The following TGS1 variants were observed in gnomAD, a reference collection of about 807,000 sequenced individuals.
TGS1 encodes trimethylguanosine synthase.
TGS1 carries 69 observed loss-of-function variants against 92.2 expected under a neutral mutation model. The observed-to-expected ratio is 0.75, with a 90% CI of 0.62 to 0.91. The LOEUF (loss-of-function observed/expected upper bound fraction) is 0.91. TGS1 is among the 40% of genes least tolerant of loss of function. The pLI is 0.00. For missense variants in TGS1, 1,062 were observed against 1,001.2 expected, an observed-to-expected ratio of 1.06 and a Z score of -0.82; for synonymous variants, 345 against 338.1, an observed-to-expected ratio of 1.02 and a Z score of -0.22.
At chr8:55,803,500 G>A (rs1044949270) in intron 9 of TGS1, among the ~76,000 whole-genome samples, 1 of 152,026 alleles carries the variant, frequency 6.6e-6, no homozygotes, top group African/African-American at 2.4e-5. Context: ...CTGTGTATTG[G>A]AAAAAGTACG....
chr8:55,805,750 G>A (rs1206911927), intron 10 of TGS1, among the ~76,000 whole-genome samples: 4 of 151,974 alleles, frequency 2.6e-5, no homozygotes, highest in South Asian at 2.1e-4. Context: ...TGGGCATGGT[G>A]GCATGCATCT....
intron 12 of TGS1, among the ~76,000 whole-genome samples, chr8:55,814,103 A>G (rs1445855311): frequency 6.6e-6 from 1 of 152,118 alleles, no homozygotes; most frequent in African/African-American, 2.4e-5. Context: ...ACACAGCACC[A>G]TGCCCAGCTA....
At chr8:55,796,754 G>T (rs1812065451) in intron 7 of TGS1, among the ~76,000 whole-genome samples, 2 of 152,174 alleles carry the variant, frequency 1.3e-5, no homozygotes, top group African/African-American at 4.8e-5. Flanking sequence ...ACTTAGGGAG[G>T]CTGAGGCGGA....
At chr8:55,781,784 A>G (rs1266493230) in intron 1 of TGS1, among the ~76,000 whole-genome samples, 2 of 152,260 alleles carry the variant, frequency 1.3e-5, no homozygotes, top group African/African-American at 2.4e-5. Context: ...TTATTTAGTT[A>G]AATTTATTGT....
Position 55,785,070 on chromosome 8 carries a change from TTG to T in TGS1, c.167-647_167-646del, listed in dbSNP as rs1491061170. 4.2e-4 allele frequency among the ~76,000 whole-genome samples: 64 copies of T among 151,002 alleles called. 2 individuals carry two copies. The highest frequency in any genetic ancestry group is 1.5e-3 in the African/African-American group (62 of 40,672). On this transcript the variant is annotated intron_variant, in intron 2 of 12. Transcript: ENST00000260129. The stretch of plus-strand genomic sequence containing the variant: ...ATTGGTGTTTTTTGTTTTTTGTTTT[TTG>T]TTTTTTTTTTGAGACAGAGTCTCGC...
intron 12 of TGS1, among the ~76,000 whole-genome samples, chr8:55,814,736 G>A (rs541332720): frequency 5.4e-5 from 8 of 148,006 alleles, no homozygotes; most frequent in Non-Finnish European, 8.9e-5. Flanking sequence ...GGGCATGGTG[G>A]CGGCGTGCCT....
intron 1 of TGS1, among the ~76,000 whole-genome samples, chr8:55,778,077 G>T (rs1811450752): frequency 6.6e-6 from 1 of 152,012 alleles, no homozygotes; most frequent in Admixed American, 6.6e-5. Flanking sequence ...TTCAAGACCA[G>T]TCTGGGCAAC....
chr8:55,821,861 C>T (rs529231889), intron 12 of TGS1, among the ~76,000 whole-genome samples: 2 of 151,334 alleles, frequency 1.3e-5, no homozygotes, highest in East Asian at 1.9e-4. Flanking sequence ...GGCAGCAGAG[C>T]GAGACTCCAT....
At chr8:55,782,631 A>G in intron 1 of TGS1, 117 bp from the exon 2 acceptor site, 3 of 702,760 alleles carry the variant, frequency 4.3e-6, no homozygotes, top group East Asian at 5.5e-5. Context: ...GTATTAGCAG[A>G]TTGCTTTTCT....
rs371581459 is a variant in TGS1 at position 55,786,868 on chromosome 8, A to G, written c.970A>G (p.Ile324Val). The change falls in exon 4 of 13, where the codon ATA becomes GTA. Residue 324 changes from isoleucine (I) to valine (V), a missense_variant. Transcript: ENST00000260129. Reference protein sequence around the residue: ...HSEILDGISNIKLNSEEVTQS... With the variant: ...HSEILDGISNVKLNSEEVTQS... Reference sequence around the variant, plus strand: ...TGAAATACTTGATGGAATTAGTAACATAAAACTGAATTCAGAGGAAGTAAC... The same window carrying G: ...TGAAATACTTGATGGAATTAGTAACGTAAAACTGAATTCAGAGGAAGTAAC... 6 of 1,614,072 alleles carry G rather than the reference A, an allele frequency of 3.7e-6. No homozygotes were observed. The highest frequency in any genetic ancestry group is 1.3e-5 in the African/African-American group (1 of 74,936).
At chr8:55,793,718 C>T (rs1037014375) in intron 6 of TGS1, among the ~76,000 whole-genome samples, 8 of 151,732 alleles carry the variant, frequency 5.3e-5, no homozygotes, top group East Asian at 1.9e-4. Flanking sequence ...CAGGCATGCA[C>T]CACCATGCCC....
chr8:55,773,871 A>G (rs781205030), intron 1 of TGS1, 152 bp downstream of exon 1: 3 of 613,918 alleles, frequency 4.9e-6, no homozygotes, highest in Non-Finnish European at 8.5e-6. Flanking sequence ...ACCCTCAGAC[A>G]TGACGGAGTG....
chr8:55,801,221 C>T (rs1585776634), intron 8 of TGS1, among the ~76,000 whole-genome samples: 1 of 152,182 alleles, frequency 6.6e-6, no homozygotes, highest in Admixed American at 6.5e-5. Context: ...CTACATATGT[C>T]CTGTCACTGC....
chr8:55,785,578 C>G lies in TGS1; in HGVS notation c.167-141C>G, dbSNP rs1268877131. On this transcript the variant is annotated intron_variant, in intron 2 of 12. Coordinates refer to ENST00000260129, the MANE Select transcript of TGS1 (RefSeq NM_024831.8). ...GGGCAGTGTTGTGAGACCCCCATCT[C>G]TAAAAAATAAAAAAAATTGTAACAT... The G allele has an allele frequency of 1.2e-5, 7 of 587,416 alleles. No homozygotes were observed. In the East Asian group the frequency reaches 2.1e-4, roughly 18 times the overall value. 36.4% of individuals were successfully genotyped at this position (587,416 alleles called of 1,614,324 possible).
At chr8:55,809,090 G>A (rs1803270879) in intron 10 of TGS1, among the ~76,000 whole-genome samples, 1 of 152,134 alleles carries the variant, frequency 6.6e-6, no homozygotes, top group African/African-American at 2.4e-5. Flanking sequence ...AATCAATTAT[G>A]CTTGAACTGT....
In TGS1 at chr8:55,786,302, A is replaced by G. The variant is rs745605948; in HGVS notation, c.404A>G (p.Asp135Gly). Reference sequence around the variant, plus strand: ...AAAAAACATCAAAAGAAATACTTAGATGAAATTGTGCAAGAATCTTGGAGA... The same window carrying G: ...AAAAAACATCAAAAGAAATACTTAGGTGAAATTGTGCAAGAATCTTGGAGA... ...KKKKHQKKYL[D>G]EIVQESWRKE... is the part of the protein sequence containing the mutation. Residue 135 changes from aspartate to glycine, a missense_variant, in exon 4 of 13, where the codon GAT (aspartate) becomes GGT (glycine). Coordinates refer to ENST00000260129, the MANE Select transcript of TGS1 (RefSeq NM_024831.8). 1.3e-6 allele frequency: 2 copies of G among 1,580,332 alleles called. No individual in the cohort carries two copies. Among genetic ancestry groups the G allele is most frequent in the Non-Finnish European group, 1.7e-6 (2 of 1,160,242 alleles).
chr8:55,795,533 G>A (rs372595624), intron 6 of TGS1, among the ~76,000 whole-genome samples: 44 of 152,260 alleles, frequency 2.9e-4, no homozygotes, highest in African/African-American at 8.7e-4. Flanking sequence ...ATTTTGATAC[G>A]AAGGGTTCGC....
chr8:55,796,189 T>C, intron 7 of TGS1, 37 bp downstream of exon 7: 1 of 1,492,820 alleles, frequency 6.7e-7, no homozygotes, highest in Non-Finnish European at 9.2e-7. Context: ...GTAGATAGAA[T>C]CATGTTTTGT....
chr8:55,803,946 A>T, intron 9 of TGS1, among the ~76,000 whole-genome samples: 1 of 152,122 alleles, frequency 6.6e-6, no homozygotes, highest in East Asian at 1.9e-4. Context: ...AGCCCAGCAC[A>T]TCATTTTGTT....
Sources: allele counts gnomAD v4.1 joint callset (sites outside exome capture counted in the v4.1 genomes callset), GRCh38; gene constraint gnomAD v4.1.1; transcripts MANE v1.5; gene names NCBI Gene and HGNC (gene_info 2026-07-23, HGNC 2026-07-21).